The following GPNMB variants were observed in gnomAD, a reference collection of about 807,000 sequenced individuals.
GPNMB encodes the protein glycoprotein nmb.
In GPNMB, 71 loss-of-function variants were observed where a neutral mutation model predicts 57.3. The observed-to-expected ratio is 1.24, with a 90% CI of 1.02 to 1.51. The LOEUF is 1.51. Ranked by LOEUF, GPNMB falls within the 40% of genes most tolerant of loss-of-function variation. The pLI, the probability that GPNMB is intolerant of heterozygous loss-of-function variation, is 0.00. For missense variants in GPNMB, 677 were observed against 691.9 expected (o/e 0.98, Z 0.24); for synonymous variants, 253 against 263.2 (o/e 0.96, Z 0.38).
chr7:23,266,521 T>G lies in GPNMB; in HGVS notation c.1023T>G (p.Pro341=). 6.2e-7 allele frequency: 1 copy of G among 1,613,348 alleles called. No individual in the cohort carries two copies. The highest frequency in any genetic ancestry group is 8.5e-7 in the Non-Finnish European group (1 of 1,179,270). The change falls in exon 7 of 11, where the codon CCT becomes CCG. Residue 341 remains proline (P), a synonymous_variant. Coordinates refer to ENST00000258733, the MANE Select transcript of GPNMB (RefSeq NM_002510.3). ...RPSKPTPSLG[P]AGDNPLELSR... is the part of the protein sequence containing the mutation. ...CTTATGATTCAAACACCCCAGGACC[T>G]GCTGGTGACAACCCCCTGGAGCTGA...
chr7:23,266,500 T>A lies in GPNMB; in HGVS notation c.1019-17T>A, dbSNP rs766366366. ...TCGTAGCAACTACTCTAAAATCTTA[T>A]GATTCAAACACCCCAGGACCTGCTG... is the stretch of plus-strand genomic sequence containing the variant. On this transcript the variant is annotated splice_polypyrimidine_tract_variant and intron_variant, in intron 6 of 10. Transcript: ENST00000258733. 2 of 1,610,222 alleles carry A rather than the reference T, an allele frequency of 1.2e-6. No individual in the cohort carries two copies. The highest frequency in any genetic ancestry group is 1.7e-5 in the Admixed American group (1 of 59,082).
At chr7:23,252,475 A>G (rs535134967) in intron 1 of GPNMB, among the ~76,000 whole-genome samples, 1 of 152,378 alleles carries the variant, frequency 6.6e-6, no homozygotes, top group African/African-American at 2.4e-5. Context: ...CATTCATATC[A>G]AAGTATTCTT....
chr7:23,270,247 T>G, intron 9 of GPNMB, 72 bp downstream of exon 9: 3 of 983,206 alleles, frequency 3.1e-6, no homozygotes, highest in Non-Finnish European at 4.7e-6. Flanking sequence ...CTAAAGCTAT[T>G]TAGGCCTTTG....
At chr7:23,253,528 C>A in intron 2 of GPNMB, 69 bp downstream of exon 2, 1 of 1,323,790 alleles carries the variant, frequency 7.6e-7, no homozygotes, top group Non-Finnish European at 1.1e-6. Flanking sequence ...ATGGTAAAGC[C>A]TTTTAGATCA....
intron 1 of GPNMB, 113 bp from the exon 2 acceptor site, chr7:23,253,194 G>T: frequency 1.2e-6 from 1 of 829,470 alleles, no homozygotes; most frequent in Non-Finnish European, 1.8e-6. Context: ...TTTACTTGAT[G>T]CACTGAATAT....
At chr7:23,256,827 G>A in intron 3 of GPNMB, 65 bp from the exon 4 acceptor site, 2 of 1,289,570 alleles carry the variant, frequency 1.6e-6, no homozygotes, top group Non-Finnish European at 2.2e-6. Context: ...TTAATTCAGT[G>A]ATGCATGCAC....
At chr7:23,248,944 CA>C (rs1782600367) in intron 1 of GPNMB, among the ~76,000 whole-genome samples, 1 of 152,076 alleles carries the variant, frequency 6.6e-6, no homozygotes, top group Admixed American at 6.6e-5. Flanking sequence ...CCACCACACC[CA>C]GATAATTTTT....
At chr7:23,259,342 C>T (rs1018064097) in intron 4 of GPNMB, among the ~76,000 whole-genome samples, 1 of 152,160 alleles carries the variant, frequency 6.6e-6, no homozygotes. Flanking sequence ...TACCACCACA[C>T]CTAGCTAATT....
At chr7:23,270,549 G>A (rs1783179189) in intron 9 of GPNMB, among the ~76,000 whole-genome samples, 1 of 152,198 alleles carries the variant, frequency 6.6e-6, no homozygotes, top group Non-Finnish European at 1.5e-5. Context: ...CAACAAAGGA[G>A]AGGCTGATAT....
At chr7:23,247,999 T>G (rs759162251) in intron 1 of GPNMB, 1 of 152,256 alleles carries the variant, frequency 6.6e-6, no homozygotes, top group African/African-American at 2.4e-5. Flanking sequence ...AGCGGGTAAG[T>G]TGAGGAGGCA....
chr7:23,274,605 A>C lies in GPNMB; in HGVS notation c.*381A>C, dbSNP rs1642855331. 1 of 170,736 alleles carries C rather than the reference A, an allele frequency of 5.9e-6. No individual in the cohort carries two copies. The allele number at this position is 170,736 out of a possible 1,614,324, so 10.6% of individuals were successfully genotyped here. A position where few individuals can be genotyped will look rare whatever the true frequency, so the allele number is the denominator to read the frequency against. ...GCGGGATACTTTCAGCTTTCCATGT[A>C]ACTGTATGCATAAAGCCAATGTAGT... On this transcript the variant is annotated 3_prime_UTR_variant, in exon 11 of 11. Coordinates refer to ENST00000258733, the MANE Select transcript of GPNMB (RefSeq NM_002510.3).
chr7:23,254,283 A>G lies in GPNMB; in HGVS notation c.338A>G (p.Asn113Ser). The G allele has an allele frequency of 6.2e-7, 1 of 1,613,396 alleles. No individual in the cohort carries two copies. The change falls in exon 3 of 11, where the codon AAC (asparagine) becomes AGC (serine). Residue 113 changes from asparagine to serine, a missense_variant. Coordinates refer to ENST00000258733, the MANE Select transcript of GPNMB (RefSeq NM_002510.3). The part of the protein sequence containing the change: ...PRCQKEDANG[N>S]IVYEKNCRNE... ...TGCCAAAAGGAAGATGCCAATGGCA[A>G]CATAGTCTATGAGAAGAACTGCAGA...
In GPNMB at chr7:23,266,569, CCAGATTAA is replaced by C. The variant is rs1449891831; in HGVS notation, c.1077_1084del (p.Asn360TrpfsTer17). On this transcript the variant is annotated frameshift_variant, in exon 7 of 11. Coordinates refer to ENST00000258733, the MANE Select transcript of GPNMB (RefSeq NM_002510.3). LOFTEE classifies it high-confidence loss of function. ...TGAGTAGGATTCCTGATGAAAACTG[CCAGATTAA>C]CAGATATGGCCACTTTCAAGCCACC... 6.2e-7 allele frequency: 1 copy of C among 1,613,784 alleles called. No individual in the cohort carries two copies. Among genetic ancestry groups the C allele is most frequent in the South Asian group, 1.1e-5 (1 of 91,074 alleles).
In GPNMB at chr7:23,260,105, A is replaced by G. The variant is rs1782878993; in HGVS notation, c.667A>G (p.Ile223Val). The stretch of plus-strand genomic sequence containing the variant: ...AAGACATGGACGGGCATATGTTCCC[A>G]TCGCACAAGTGAAAGATGTGTACGT... Reference protein sequence around the residue: ...YRRHGRAYVPIAQVKDVYVVT... With the variant: ...YRRHGRAYVPVAQVKDVYVVT... The change falls in exon 5 of 11, where the codon ATC becomes GTC. Residue 223 changes from isoleucine (I) to valine (V), a missense_variant. Physicochemically the swap from Ile to Val is conservative, Grantham distance 29 (BLOSUM62 3). Coordinates refer to ENST00000258733, the MANE Select transcript of GPNMB (RefSeq NM_002510.3). 1 of 1,613,920 alleles carries G rather than the reference A, an allele frequency of 6.2e-7. No individual in the cohort carries two copies.
rs375702111 is a variant in GPNMB, at chr7:23,264,661, G to A, written c.1019-1856G>A. Among the ~76,000 whole-genome samples the A allele has an allele frequency of 1.5e-3, 236 of 152,286 alleles. 2 individuals carry two copies. Among genetic ancestry groups the A allele is most frequent in the African/African-American group, 5.4e-3 (226 of 41,564 alleles). On this transcript the variant is annotated intron_variant, in intron 6 of 10. Coordinates refer to ENST00000258733, the MANE Select transcript of GPNMB (RefSeq NM_002510.3). ...CAAAGTGCTGGGATTACAGGTGTGA[G>A]CCACCATGCCTGGCCTCCATATGCA...
At chr7:23,260,816 T>C (rs1208331100) in intron 6 of GPNMB, 43 bp downstream of exon 6, 1 of 1,376,446 alleles carries the variant, frequency 7.3e-7, no homozygotes, top group Non-Finnish European at 9.8e-7. Context: ...CCTTAATGGC[T>C]AACAAAATAT....
intron 6 of GPNMB, among the ~76,000 whole-genome samples, chr7:23,262,431 A>G (rs1333420500): frequency 6.6e-6 from 1 of 152,032 alleles, no homozygotes; most frequent in Non-Finnish European, 1.5e-5. Flanking sequence ...TGGTTGTGTA[A>G]ATGGGTTCAT....
rs570745219 is a variant in GPNMB at position 23,267,579 on chromosome 7, G to T, written c.1118-307G>T. 7.0e-4 allele frequency among the ~76,000 whole-genome samples: 106 copies of T among 152,232 alleles called. 1 individual carries two copies. The South Asian group carries it at 0.022, about 31-fold the overall frequency. ...AAGGTACCAGCACATTCGGTGGCTGGTGAGGACTCACTTCCTGGTTCATAG... is the reference window on the plus strand; with the variant it reads ...AAGGTACCAGCACATTCGGTGGCTGTTGAGGACTCACTTCCTGGTTCATAG... On this transcript the variant is annotated intron_variant, in intron 7 of 10. Transcript: ENST00000258733.
intron 1 of GPNMB, among the ~76,000 whole-genome samples, chr7:23,250,104 A>G (rs900920162): frequency 5.9e-5 from 9 of 152,126 alleles, no homozygotes; most frequent in African/African-American, 1.4e-4. Context: ...ATTTTTACCA[A>G]TTTTTCTAAT....
Sources: allele counts gnomAD v4.1 joint callset (sites outside exome capture counted in the v4.1 genomes callset), GRCh38; gene constraint gnomAD v4.1.1; transcripts MANE v1.5; gene names NCBI Gene and HGNC (gene_info 2026-07-23, HGNC 2026-07-21).